The following GPC6 variants were observed in gnomAD, a reference collection of about 807,000 sequenced individuals.
GPC6 encodes glypican-6.
In GPC6, 14 loss-of-function variants were observed where a neutral mutation model predicts 55.2. That is an observed-to-expected ratio of 0.25 (90% CI 0.17 to 0.40). GPC6 has a LOEUF of 0.40. Among genes scored for constraint, GPC6 ranks in the 10% least tolerant of loss-of-function variants. The pLI is 1.00. For synonymous variants in GPC6, 278 were observed against 259.6 expected (o/e 1.07, Z -0.68); for missense variants, 641 against 708.5 (o/e 0.90, Z 1.08).
intron 7 of GPC6, among the ~76,000 whole-genome samples, chr13:94,387,904 C>A (rs533974466): frequency 1.3e-5 from 2 of 152,238 alleles, no homozygotes; most frequent in South Asian, 2.1e-4. Flanking sequence ...GTTTAAACTG[C>A]CCAGTCTGTG....
chr13:94,264,100 C>G (rs1455467879), intron 4 of GPC6, among the ~76,000 whole-genome samples: 2 of 152,178 alleles, frequency 1.3e-5, no homozygotes, highest in African/African-American at 2.4e-5. Context: ...AGTCATTGAT[C>G]TCCCACATAC....
Position 93,953,610 on chromosome 13 carries a change from T to A in GPC6, c.712-74119T>A, listed in dbSNP as rs1210907208. Among the ~76,000 whole-genome samples, 5 of 152,204 alleles carry A rather than the reference T, an allele frequency of 3.3e-5. No homozygotes were observed. In the South Asian group the frequency reaches 1.0e-3, roughly 31 times the overall value. ...CAAACATCAATTTATTTTATAAGTA[T>A]TTCTTTTGAATTGTCATGCAACATT... On this transcript the variant is annotated intron_variant, in intron 3 of 8. Coordinates refer to ENST00000377047, the MANE Select transcript of GPC6 (RefSeq NM_005708.5).
chr13:93,217,452 G>T, the GPC6 span, among the ~76,000 whole-genome samples: 1 of 152,090 alleles, frequency 6.6e-6, no homozygotes. Flanking sequence ...CTATGTTTTC[G>T]AGTGTAAAAG....
intron 2 of GPC6, among the ~76,000 whole-genome samples, chr13:93,612,719 A>C (rs1366540160): frequency 1.3e-5 from 2 of 152,236 alleles, no homozygotes; most frequent in East Asian, 3.8e-4. Flanking sequence ...AAACATGGAA[A>C]GAAAAAATAA....
intron 2 of GPC6, among the ~76,000 whole-genome samples, chr13:93,565,036 T>A (rs1876025215): frequency 6.6e-6 from 1 of 152,230 alleles, no homozygotes; most frequent in South Asian, 2.1e-4. Context: ...AATTTCCCTT[T>A]TTCAACATTG....
intron 3 of GPC6, among the ~76,000 whole-genome samples, chr13:93,832,841 A>G (rs954764859): frequency 1.3e-5 from 2 of 152,134 alleles, no homozygotes; most frequent in Non-Finnish European, 2.9e-5. Flanking sequence ...CCAACACTGT[A>G]TTCTCTCTCC....
rs188879853 is a variant in GPC6, at chr13:93,631,584, A to G, written c.319+86163A>G. ...AGTCCAGATCCAATATTTTCTAAAAAGTTTTACCTGATAACGCTGGTCTGT... is the reference window on the plus strand; with the variant it reads ...AGTCCAGATCCAATATTTTCTAAAAGGTTTTACCTGATAACGCTGGTCTGT... On this transcript the variant is annotated intron_variant, in intron 2 of 8. Coordinates refer to ENST00000377047, the MANE Select transcript of GPC6 (RefSeq NM_005708.5). Among the ~76,000 whole-genome samples, 5 of 152,314 alleles carry G rather than the reference A, an allele frequency of 3.3e-5. No individual in the cohort carries two copies. The East Asian group carries it at 9.6e-4, about 29-fold the overall frequency.
intron 7 of GPC6, among the ~76,000 whole-genome samples, chr13:94,386,173 C>T (rs1456107991): frequency 6.6e-6 from 1 of 151,930 alleles, no homozygotes; most frequent in Non-Finnish European, 1.5e-5. Flanking sequence ...TCCTGGCTAA[C>T]ATGGTGAAAC....
intron 1 of GPC6, among the ~76,000 whole-genome samples, chr13:93,532,981 G>A (rs1881926185): frequency 6.6e-6 from 1 of 152,084 alleles, no homozygotes; most frequent in Non-Finnish European, 1.5e-5. Context: ...TGAATGATAA[G>A]GTCCCCTAAA....
chr13:94,224,071 T>G (rs150365330), intron 4 of GPC6, among the ~76,000 whole-genome samples: 10 of 151,964 alleles, frequency 6.6e-5, no homozygotes, highest in Non-Finnish European at 1.2e-4. Flanking sequence ...GGTCCGTAAG[T>G]GTAGGGCTGA....
rs146601294 is a variant in GPC6, at chr13:93,997,581, ATG to A, written c.712-30123_712-30122del. ...TCACATCAGCATAAAAAGACATAAT[ATG>A]TGTGTGTGTGTGTGTGTGTGTGTGC... On this transcript the variant is annotated intron_variant, in intron 3 of 8. Transcript: ENST00000377047. Among the ~76,000 whole-genome samples the A allele has an allele frequency of 8.5e-3, 1,270 of 148,894 alleles. 20 individuals carry two copies. The highest frequency in any genetic ancestry group is 0.026 in the African/African-American group (1,056 of 40,740).
intron 3 of GPC6, among the ~76,000 whole-genome samples, chr13:93,846,838 G>T (rs1312635956): frequency 6.6e-6 from 1 of 152,124 alleles, no homozygotes; most frequent in Admixed American, 6.6e-5. Context: ...GGTTGGACTA[G>T]CCACATTTCA....
In GPC6 at chr13:94,067,851, G is replaced by A. The variant is rs977048870; in HGVS notation, c.877+39957G>A. On this transcript the variant is annotated intron_variant, in intron 4 of 8. Transcript: ENST00000377047. ...ACTCATACAATCCTCTGGTTTTCTA[G>A]CCTTAGCAAAAGATAAGGATACTAA... Among the ~76,000 whole-genome samples, 6 of 152,242 alleles carry A rather than the reference G, an allele frequency of 3.9e-5. No individual in the cohort carries two copies. In the East Asian group the frequency reaches 9.6e-4, roughly 24 times the overall value.
At chr13:94,360,921 C>T (rs997767602) in intron 6 of GPC6, among the ~76,000 whole-genome samples, 1 of 152,206 alleles carries the variant, frequency 6.6e-6, no homozygotes, top group African/African-American at 2.4e-5. Flanking sequence ...TCACTCTTCA[C>T]TGCCTCAGTG....
chr13:93,515,540 A>T (rs923477469), intron 1 of GPC6, among the ~76,000 whole-genome samples: 1 of 152,178 alleles, frequency 6.6e-6, no homozygotes, highest in Non-Finnish European at 1.5e-5. Context: ...AAATTATTTA[A>T]ATTTTGTGAG....
chr13:94,006,347 G>A (rs996339377), intron 3 of GPC6, among the ~76,000 whole-genome samples: 2 of 152,150 alleles, frequency 1.3e-5, no homozygotes, highest in Non-Finnish European at 2.9e-5. Flanking sequence ...AGACAGAACC[G>A]TGGCCTTGGA....
intron 6 of GPC6, among the ~76,000 whole-genome samples, chr13:94,373,709 G>A (rs923434788): frequency 6.6e-5 from 10 of 152,102 alleles, no homozygotes; most frequent in Non-Finnish European, 1.0e-4. Flanking sequence ...AGGAAATACA[G>A]AGAACGCCAC....
At chr13:94,114,405 G>T (rs1476080775) in intron 4 of GPC6, among the ~76,000 whole-genome samples, 1 of 152,118 alleles carries the variant, frequency 6.6e-6, no homozygotes, top group Non-Finnish European at 1.5e-5. Flanking sequence ...AAGGCTCATT[G>T]TAAGGAAGCA....
intron 3 of GPC6, among the ~76,000 whole-genome samples, chr13:93,887,260 G>A (rs1171725771): frequency 6.6e-6 from 1 of 151,914 alleles, no homozygotes; most frequent in African/African-American, 2.4e-5. Flanking sequence ...CAAAGTAAAA[G>A]GGAACAATAA....
Sources: gnomAD v4.1 joint callset for allele counts (sites outside exome capture counted in the v4.1 genomes callset) on GRCh38, gnomAD v4.1.1 for gene constraint, MANE v1.5 for transcripts, NCBI Gene and HGNC (gene_info 2026-07-23, HGNC 2026-07-21) for gene names.